KLRG1: variants seen among roughly 807,000 people sequenced by gnomAD.
KLRG1 encodes the protein killer cell lectin-like receptor subfamily G member 1.
A neutral mutation model predicts 21.8 loss-of-function variants in KLRG1; 16 were observed. That is an observed-to-expected ratio of 0.73 (90% CI 0.50 to 1.11). The LOEUF is 1.11. Ranked by LOEUF, KLRG1 falls within the 50% of genes most tolerant of loss-of-function variation. KLRG1 has a pLI of 0.00. For missense variants in KLRG1, 173 were observed against 218.3 expected (o/e 0.79, Z 1.31); for synonymous variants, 69 against 75.9 (o/e 0.91, Z 0.47).
the KLRG1 span, among the ~76,000 whole-genome samples, chr12:9,088,547 G>A: frequency 3.3e-5 from 5 of 152,196 alleles, no homozygotes; most frequent in Middle Eastern, 3.4e-3. Context: ...TATTTAGTAC[G>A]AAAAACATAC....
the KLRG1 span, among the ~76,000 whole-genome samples, chr12:9,142,632 CAT>C: frequency 6.6e-6 from 1 of 152,160 alleles, no homozygotes; most frequent in East Asian, 1.9e-4. Context: ...ACACCTAACA[CAT>C]ATATAGCCAC....
In KLRG1 at chr12:9,009,027, A is replaced by G. The variant is rs550261960; in HGVS notation, c.410A>G (p.Asn137Ser). 1.3e-5 allele frequency: 21 copies of G among 1,613,962 alleles called. No individual in the cohort carries two copies. The highest frequency in any genetic ancestry group is 1.7e-5 in the Non-Finnish European group (20 of 1,179,942). ...SEAFCWIGLRNNSGWRWEDGS... is the reference protein window; with the variant it reads ...SEAFCWIGLRSNSGWRWEDGS... ...GCCTTTTGCTGGATTGGTCTGAGGA[A>G]CAATTCTGGCTGGAGGTGGGAAGAT... The change falls in exon 4 of 5, where the codon AAC becomes AGC. Residue 137 changes from asparagine to serine, a missense_variant. Coordinates refer to ENST00000356986, the MANE Select transcript of KLRG1 (RefSeq NM_005810.4).
chr12:8,977,050 C>T (rs779088332), intron 1 of KLRG1, among the ~76,000 whole-genome samples: 36 of 152,228 alleles, frequency 2.4e-4, no homozygotes, highest in African/African-American at 7.9e-4. Flanking sequence ...TGCACCCATC[C>T]TCAAAGTTTA....
At chr12:9,114,106 A>G in the KLRG1 span, among the ~76,000 whole-genome samples, 1 of 152,178 alleles carries the variant, frequency 6.6e-6, no homozygotes, top group South Asian at 2.1e-4. Flanking sequence ...AGCAGCTAAT[A>G]AGGTCTTAAG....
the KLRG1 span, among the ~76,000 whole-genome samples, chr12:9,029,968 GAT>G: frequency 1.3e-5 from 2 of 152,160 alleles, no homozygotes; most frequent in Non-Finnish European, 2.9e-5. Context: ...TGGCCAGGCT[GAT>G]CTTGAACTCC....
chr12:9,166,252 A>C, the KLRG1 span: 12 of 1,579,170 alleles, frequency 7.6e-6, no homozygotes, highest in East Asian at 4.5e-5. Context: ...CATTAATTTC[A>C]TGGTGCACAT....
the KLRG1 span, among the ~76,000 whole-genome samples, chr12:9,105,989 ACT>A: frequency 1.3e-5 from 2 of 152,054 alleles, no homozygotes; most frequent in Non-Finnish European, 2.9e-5. Context: ...AGGGGGGAAA[ACT>A]CTACTAATTT....
the KLRG1 span, chr12:9,113,466 T>C: frequency 1.2e-6 from 2 of 1,613,776 alleles, no homozygotes; most frequent in Non-Finnish European, 1.7e-6. Flanking sequence ...CACTGTCTCA[T>C]TCAGGTAGCT....
chr12:9,184,593 C>T, the KLRG1 span, among the ~76,000 whole-genome samples: 2 of 152,236 alleles, frequency 1.3e-5, no homozygotes, highest in Non-Finnish European at 2.9e-5. Flanking sequence ...TGCCATGCTG[C>T]TGGTACATGT....
At chr12:9,151,450 AG>A in the KLRG1 span, among the ~76,000 whole-genome samples, 1 of 152,222 alleles carries the variant, frequency 6.6e-6, no homozygotes, top group Non-Finnish European at 1.5e-5. Flanking sequence ...TGGAGTTCAA[AG>A]GTTTCCCCTC....
At chr12:9,156,175 A>G in the KLRG1 span, 1 of 208,660 alleles carries the variant, frequency 4.8e-6, no homozygotes, top group Non-Finnish European at 1.0e-5. Flanking sequence ...TACTTCTTGT[A>G]GGCTTCTTTT....
At chr12:9,092,170 A>G in the KLRG1 span, among the ~76,000 whole-genome samples, 1 of 152,142 alleles carries the variant, frequency 6.6e-6, no homozygotes, top group Non-Finnish European at 1.5e-5. Context: ...CAGTAAGGGC[A>G]CTTCCCATGC....
intron 2 of KLRG1, among the ~76,000 whole-genome samples, chr12:8,993,974 T>C (rs1947056280): frequency 6.6e-6 from 1 of 152,210 alleles, no homozygotes; most frequent in African/African-American, 2.4e-5. Flanking sequence ...TATGCACATA[T>C]GTTTAAGTAT....
the KLRG1 span, among the ~76,000 whole-genome samples, chr12:9,133,052 TG>T: frequency 2.0e-4 from 31 of 152,216 alleles, no homozygotes; most frequent in East Asian, 3.7e-3. Flanking sequence ...GAAAAAGGTG[TG>T]GGTTTTTTTT....
chr12:9,173,962 C>T, the KLRG1 span, among the ~76,000 whole-genome samples: 1 of 152,170 alleles, frequency 6.6e-6, no homozygotes, highest in Non-Finnish European at 1.5e-5. Context: ...AGGGACTCCT[C>T]GCTAACTCAT....
the KLRG1 span, among the ~76,000 whole-genome samples, chr12:9,166,572 G>A: frequency 6.6e-6 from 1 of 152,202 alleles, no homozygotes; most frequent in African/African-American, 2.4e-5. Flanking sequence ...TTTAGACATT[G>A]AGAGTGGTTG....
chr12:9,037,734 T>C, the KLRG1 span, among the ~76,000 whole-genome samples: 20 of 152,324 alleles, frequency 1.3e-4, no homozygotes, highest in East Asian at 3.9e-3. Context: ...TGGTACCTTT[T>C]CTATGTTTAG....
chr12:9,166,269 C>T, the KLRG1 span: 248 of 1,512,994 alleles, frequency 1.6e-4, no homozygotes, highest in East Asian at 2.2e-3. Flanking sequence ...ACATGTGAGA[C>T]GTTAGAGAAC....
the KLRG1 span, among the ~76,000 whole-genome samples, chr12:9,147,109 A>G: frequency 6.6e-6 from 1 of 152,178 alleles, no homozygotes; most frequent in East Asian, 1.9e-4. Context: ...GGGTATCTAC[A>G]GAAAAGTTAG....
Sources: allele counts gnomAD v4.1 joint callset (sites outside exome capture counted in the v4.1 genomes callset), GRCh38; gene constraint gnomAD v4.1.1; transcripts MANE v1.5; gene names NCBI Gene and HGNC (gene_info 2026-07-23, HGNC 2026-07-21).